ALG13: variants seen among roughly 807,000 people sequenced by gnomAD.
The protein encoded by ALG13 is ALG13 UDP-N-acetylglucosaminyltransferase subunit.
A neutral mutation model predicts 87.8 loss-of-function variants in ALG13; 11 were observed. The ratio of observed to expected loss-of-function variants is 0.13; its 90% CI spans 0.08 to 0.21. ALG13 has a LOEUF of 0.21. ALG13 is among the 10% of genes least tolerant of loss of function. ALG13 has a pLI of 1.00. For missense variants in ALG13, 756 were observed against 866.1 expected (o/e 0.87, Z 1.60); for synonymous variants, 320 against 306.3 (o/e 1.04, Z -0.47).
chrX:111,728,317 A>G lies in ALG13; in HGVS notation c.2368+12A>G, dbSNP rs1942292402. On this transcript the variant is annotated intron_variant, in intron 19 of 26. Transcript: ENST00000394780. ...CCAGAGTGAAAATGGTGAGTCAATT[A>G]CAGTTAAATATTTTTTAAAAGATTC... 8.3e-7 allele frequency: 1 copy of G among 1,209,031 alleles called. No homozygotes were observed. Among genetic ancestry groups the G allele is most frequent in the African/African-American group, 1.7e-5 (1 of 57,820 alleles).
intron 25 of ALG13, among the ~76,000 whole-genome samples, chrX:111,756,682 G>A (rs1208915371): frequency 8.9e-6 from 1 of 111,923 alleles, no homozygotes; most frequent in Non-Finnish European, 1.9e-5. Flanking sequence ...GTCAGATGAT[G>A]ATAAACTCTG....
intron 3 of ALG13, among the ~76,000 whole-genome samples, chrX:111,686,997 G>T (rs1026338483): frequency 1.8e-5 from 2 of 111,543 alleles, no homozygotes; most frequent in African/African-American, 6.5e-5. Flanking sequence ...CGCTCTTGTT[G>T]CCCAGGCTGG....
intron 24 of ALG13, 127 bp from the exon 25 acceptor site, chrX:111,752,663 A>G (rs755550687): frequency 1.3e-4 from 60 of 446,968 alleles, no homozygotes; most frequent in African/African-American, 1.3e-3. Context: ...TTATCTGCCC[A>G]TCTAGGCCTC....
At position 111,733,067 on chromosome X, in the gene ALG13, A is replaced by G. The variant is rs181374861; in HGVS notation, c.2458-1984A>G. Among the ~76,000 whole-genome samples, 8 of 111,625 alleles carry G rather than the reference A, an allele frequency of 7.2e-5. No homozygotes were observed. The East Asian group carries it at 1.7e-3, about 23-fold the overall frequency. ...ATCACCAAATCCATAGCAAATTTCTATTGTTGCTAAAATAAAGGATAAATG... is the reference window on the plus strand; with the variant it reads ...ATCACCAAATCCATAGCAAATTTCTGTTGTTGCTAAAATAAAGGATAAATG... On this transcript the variant is annotated intron_variant, in intron 21 of 26. Transcript: ENST00000394780.
At chrX:111,712,849 C>T (rs925583484) in intron 7 of ALG13, among the ~76,000 whole-genome samples, 7 of 111,427 alleles carry the variant, frequency 6.3e-5, no homozygotes, top group African/African-American at 2.3e-4. Flanking sequence ...ACCATATAGT[C>T]TGCAAAAGCT....
rs6642936 is a variant in ALG13, at chrX:111,754,589, T to C, written c.2973+1759T>C. 7.1e-5 allele frequency among the ~76,000 whole-genome samples: 8 copies of C among 112,285 alleles called. No individual in the cohort carries two copies. In the East Asian group the frequency reaches 2.3e-3, roughly 32 times the overall value. On this transcript the variant is annotated intron_variant, in intron 25 of 26. Transcript: ENST00000394780. ...AGCAACTTCAGCAAAGTTGAAGTTGTGTGCAACACAAAATCAGTGTGCAAA... is the reference window on the plus strand; with the variant it reads ...AGCAACTTCAGCAAAGTTGAAGTTGCGTGCAACACAAAATCAGTGTGCAAA...
intron 15 of ALG13, 61 bp from the exon 16 acceptor site, chrX:111,726,748 T>C: frequency 8.5e-7 from 1 of 1,180,376 alleles, no homozygotes; most frequent in East Asian, 3.0e-5. Flanking sequence ...GTGGTGACAG[T>C]ACACTGGGCC....
At chrX:111,737,317 C>G (rs73544226) in intron 23 of ALG13, among the ~76,000 whole-genome samples, 1 of 111,927 alleles carries the variant, frequency 8.9e-6, no homozygotes, top group African/African-American at 3.2e-5. Flanking sequence ...GGGTTAGAAT[C>G]CTGGTTTTAC....
intron 3 of ALG13, among the ~76,000 whole-genome samples, chrX:111,696,974 G>GTTCTTACC (rs1397050305): frequency 1.0e-5 from 1 of 96,286 alleles, no homozygotes; most frequent in East Asian, 3.2e-4. Context: ...AATTGCTCTG[G>GTTCTTACC]TTCTTACCTT....
chrX:111,708,900 C>T, intron 4 of ALG13, 65 bp from the exon 5 acceptor site: 1 of 737,872 alleles, frequency 1.4e-6, no homozygotes, highest in Non-Finnish European at 2.0e-6. Flanking sequence ...AGTTCATAGT[C>T]TTGATTTAGA....
chrX:111,729,923 T>C (rs140139852), intron 19 of ALG13, among the ~76,000 whole-genome samples: 2,261 of 112,342 alleles, frequency 0.02, 58 homozygotes, highest in African/African-American at 0.069. Flanking sequence ...TGTAAAGCAC[T>C]ATGCTAAGTT....
Position 111,726,996 on chromosome X carries a change from T to C in ALG13, c.1917T>C (p.Asn639=). The stretch of plus-strand genomic sequence containing the variant: ...AGACAGCTGGCAATGTTATGTCTAA[T>C]GAACATTTTCATCCTCAGCATCCAT... ...YSQTAGNVMS[N]EHFHPQHPSP... Residue 639 remains asparagine, a synonymous_variant, in exon 16 of 27, where the codon AAT becomes AAC. Coordinates refer to ENST00000394780, the MANE Select transcript of ALG13 (RefSeq NM_001099922.3). The C allele has an allele frequency of 8.3e-7, 1 of 1,211,115 alleles. No homozygotes were observed. Among genetic ancestry groups the C allele is most frequent in the Non-Finnish European group, 1.1e-6 (1 of 894,905 alleles).
intron 13 of ALG13, 121 bp downstream of exon 13, chrX:111,722,978 AG>A: frequency 2.0e-6 from 1 of 503,191 alleles, no homozygotes; most frequent in Non-Finnish European, 3.3e-6. Context: ...TTAAAGAGAT[AG>A]GGTCTAGCTC....
intron 26 of ALG13, among the ~76,000 whole-genome samples, chrX:111,759,104 A>G (rs1400644826): frequency 1.8e-5 from 2 of 108,459 alleles, no homozygotes; most frequent in Non-Finnish European, 3.8e-5. Flanking sequence ...AGGCAGTGGC[A>G]GTCTTAATTT....
At chrX:111,711,066 T>C (rs1602654447) in intron 5 of ALG13, 1 of 112,878 alleles carries the variant, frequency 8.9e-6, no homozygotes, top group East Asian at 2.8e-4. Context: ...TCTAGTGATA[T>C]GTATCCATGG....
At chrX:111,740,247 G>A (rs1320309906) in intron 23 of ALG13, among the ~76,000 whole-genome samples, 2 of 111,052 alleles carry the variant, frequency 1.8e-5, no homozygotes, top group African/African-American at 6.5e-5. Flanking sequence ...AAGTTATTCC[G>A]AGACTATGTA....
chrX:111,704,897 C>G (rs905342838), intron 3 of ALG13, among the ~76,000 whole-genome samples: 1 of 111,703 alleles, frequency 9.0e-6, no homozygotes, highest in Non-Finnish European at 1.9e-5. Flanking sequence ...AGTGAATATA[C>G]AGAATTGTGC....
chrX:111,688,373 G>A (rs1235307495), intron 3 of ALG13: 8 of 722,816 alleles, frequency 1.1e-5, no homozygotes, highest in Non-Finnish European at 1.3e-5. Flanking sequence ...CAACTTTTAT[G>A]TAAAAAAATT....
intron 10 of ALG13, among the ~76,000 whole-genome samples, chrX:111,719,031 T>C (rs765093452): frequency 3.8e-4 from 38 of 100,209 alleles, no homozygotes; most frequent in Admixed American, 2.0e-3. Context: ...TTTTCTTTTT[T>C]TTTTTTTTTT....
Sources: allele counts gnomAD v4.1 joint callset (sites outside exome capture counted in the v4.1 genomes callset), GRCh38; gene constraint gnomAD v4.1.1; transcripts MANE v1.5; gene names NCBI Gene and HGNC (gene_info 2026-07-23, HGNC 2026-07-21).